Variants in CACNA1H observed in about 807,000 individuals in gnomAD.
CACNA1H encodes the protein calcium voltage-gated channel subunit alpha1 H.
In CACNA1H, 149 loss-of-function variants were observed where a neutral mutation model predicts 192.5. The observed-to-expected ratio is 0.77, with a 90% confidence interval of 0.68 to 0.89. The LOEUF (loss-of-function observed/expected upper bound fraction) is 0.89. Among genes scored for constraint, CACNA1H ranks in the 40% least tolerant of loss-of-function variants. The pLI is 0.00. For missense variants in CACNA1H, 4,257 were observed against 3,423.5 expected, an observed-to-expected ratio of 1.24 and a Z score of -6.08; for synonymous variants, 2,202 against 1,475.2, an observed-to-expected ratio of 1.49 and a Z score of -11.29.
At chr16:1,208,314 A>AC (rs1004515121) in intron 16 of CACNA1H, 93 bp downstream of exon 16, 63 of 834,930 alleles carry the variant, frequency 7.5e-5, no homozygotes, top group Admixed American at 1.2e-4. Context: ...TGAGGGCCGC[A>AC]CCCCCCACAC....
chr16:1,211,665 C>T, intron 23 of CACNA1H, 51 bp from the exon 24 acceptor site: 6 of 1,610,012 alleles, frequency 3.7e-6, no homozygotes, highest in Non-Finnish European at 5.1e-6. Flanking sequence ...AGCGAGAGGG[C>T]CGGCGACCCC....
At chr16:1,205,414 C>A in intron 11 of CACNA1H, 149 bp downstream of exon 11, 1 of 867,076 alleles carries the variant, frequency 1.2e-6, no homozygotes, top group Non-Finnish European at 1.7e-6. Flanking sequence ...GCTTGGTGAC[C>A]CCAGTGGCCC....
At chr16:1,185,550 G>C (rs963789573) in intron 2 of CACNA1H, among the ~76,000 whole-genome samples, 1 of 118,574 alleles carries the variant, frequency 8.4e-6, no homozygotes, top group Non-Finnish European at 1.8e-5. Flanking sequence ...GAGATGCTCA[G>C]AAAGCCTAGT....
At chr16:1,154,538 G>C (rs1159268660) in intron 2 of CACNA1H, among the ~76,000 whole-genome samples, 1 of 152,146 alleles carries the variant, frequency 6.6e-6, no homozygotes, top group East Asian at 1.9e-4. Flanking sequence ...GACCCGTGGG[G>C]CCTGTGAGCG....
intron 5 of CACNA1H, among the ~76,000 whole-genome samples, chr16:1,196,879 G>A (rs544354192): frequency 4.6e-5 from 7 of 152,122 alleles, no homozygotes; most frequent in Non-Finnish European, 7.4e-5. Context: ...CCTGGGGGTC[G>A]GCGCGGCCCC....
chr16:1,196,973 G>A (rs1967059139), intron 5 of CACNA1H, among the ~76,000 whole-genome samples: 1 of 152,110 alleles, frequency 6.6e-6, no homozygotes, highest in Non-Finnish European at 1.5e-5. Flanking sequence ...CAGCCTTTCT[G>A]GCTGCCTGAC....
In CACNA1H at chr16:1,211,605, A is replaced by G; in HGVS notation, c.4475A>G (p.Gln1492Arg). 1 of 1,609,646 alleles carries G rather than the reference A, an allele frequency of 6.2e-7. No individual in the cohort carries two copies. The highest frequency in any genetic ancestry group is 8.5e-7 in the Non-Finnish European group (1 of 1,178,236). ...RRKYNFDNLG[Q>R]ALMSLFVLSS... ...AAGTACAACTTCGACAACCTGGGCCAGGTGGGCTGGGCGGCCGGGCGGGAG... is the reference window on the plus strand; with the variant it reads ...AAGTACAACTTCGACAACCTGGGCCGGGTGGGCTGGGCGGCCGGGCGGGAG... The change falls in exon 23 of 35, where the codon CAG (glutamine) becomes CGG (arginine). Residue 1492 changes from glutamine to arginine, a missense_variant and splice_region_variant. Coordinates refer to ENST00000348261, the MANE Select transcript of CACNA1H (RefSeq NM_021098.3).
chr16:1,200,346 C>G lies in CACNA1H; in HGVS notation c.894C>G (p.Gly298=). 1 of 1,602,358 alleles carries G rather than the reference C, an allele frequency of 6.2e-7. No individual in the cohort carries two copies. Among genetic ancestry groups the G allele is most frequent in the South Asian group, 1.1e-5 (1 of 89,770 alleles). ...TCTGCTCCTCACGCCGAGACAACGGCATGCAGAAGTGCTCGCACATCCCCG... is the reference window on the plus strand; with the variant it reads ...TCTGCTCCTCACGCCGAGACAACGGGATGCAGAAGTGCTCGCACATCCCCG... ...PFICSSRRDN[G]MQKCSHIPGR... Residue 298 remains glycine, a synonymous_variant, in exon 7 of 35, where the codon GGC becomes GGG. Coordinates refer to ENST00000348261, the MANE Select transcript of CACNA1H (RefSeq NM_021098.3).
At chr16:1,163,136 A>T (rs1240791555) in intron 2 of CACNA1H, among the ~76,000 whole-genome samples, 2 of 152,190 alleles carry the variant, frequency 1.3e-5, no homozygotes, top group Non-Finnish European at 1.5e-5. Flanking sequence ...GGTGTGGGCC[A>T]GTCTGCCCTG....
intron 2 of CACNA1H, among the ~76,000 whole-genome samples, chr16:1,171,549 G>T (rs1482904546): frequency 6.6e-6 from 1 of 152,224 alleles, no homozygotes; most frequent in East Asian, 1.9e-4. Context: ...TTATTTTCCA[G>T]GCATTAAACT....
chr16:1,216,482 G>A (rs1596472547), intron 30 of CACNA1H, among the ~76,000 whole-genome samples: 1 of 152,330 alleles, frequency 6.6e-6, no homozygotes, highest in East Asian at 1.9e-4. Context: ...TGAGGCCCAG[G>A]CCCACCTGCC....
chr16:1,220,816 C>T lies in CACNA1H; in HGVS notation c.6884C>T (p.Ser2295Phe), dbSNP rs772718469. ...AGTGTGACCCCAGAATCCAGAGCTT[C>T]CTCTTCAGGGGCCATAGTGCCCCTG... ...SHSVTPESRA[S>F]SSGAIVPLEP... is the part of the protein sequence containing the mutation. The change falls in exon 35 of 35, where the codon TCC becomes TTC. Residue 2295 changes from serine to phenylalanine, a missense_variant. By Grantham distance (155) the Ser-to-Phe change is radical. Coordinates refer to ENST00000348261, the MANE Select transcript of CACNA1H (RefSeq NM_021098.3). 26 of 1,612,826 alleles carry T rather than the reference C, an allele frequency of 1.6e-5. No individual in the cohort carries two copies. The highest frequency in any genetic ancestry group is 3.3e-5 in the Admixed American group (2 of 60,024).
At position 1,221,595 on chromosome 16, in the gene CACNA1H, C is replaced by A. The variant is rs751467928; in HGVS notation, c.*601C>A. 9 of 626,380 alleles carry A rather than the reference C, an allele frequency of 1.4e-5. No homozygotes were observed. The highest frequency in any genetic ancestry group is 2.1e-5 in the Non-Finnish European group (8 of 373,052). 38.8% of individuals were successfully genotyped at this position (626,380 alleles called of 1,614,324 possible). ...TGGAGTAACGCGCCCGGCCCCGATGCGAATCAGGCCTCCCCTACATCTGGG... is the reference window on the plus strand; with the variant it reads ...TGGAGTAACGCGCCCGGCCCCGATGAGAATCAGGCCTCCCCTACATCTGGG... On this transcript the variant is annotated 3_prime_UTR_variant, in exon 35 of 35. Transcript: ENST00000348261.
At position 1,218,266 on chromosome 16, in the gene CACNA1H, C is replaced by T. The variant is rs762347330; in HGVS notation, c.5502C>T (p.Ala1834=). The T allele has an allele frequency of 7.7e-6, 12 of 1,551,620 alleles. No homozygotes were observed. The Admixed American group carries it at 7.8e-5, about 10-fold the overall frequency. ...AGCACTGCCTGAGCTACCTGCCGGCCCTGTCGCCCGTCTACTTCGTGACCT... is the reference window on the plus strand; with the variant it reads ...AGCACTGCCTGAGCTACCTGCCGGCTCTGTCGCCCGTCTACTTCGTGACCT... ...EDKHCLSYLP[A]LSPVYFVTFV... is the part of the protein sequence containing the mutation. The change falls in exon 33 of 35, where the codon GCC becomes GCT. Residue 1834 remains alanine (A), a synonymous_variant. Coordinates refer to ENST00000348261, the MANE Select transcript of CACNA1H (RefSeq NM_021098.3).
chr16:1,203,324 G>A (rs184731089), intron 9 of CACNA1H, among the ~76,000 whole-genome samples: 10 of 152,172 alleles, frequency 6.6e-5, no homozygotes, highest in Non-Finnish European at 8.8e-5. Context: ...TGGTTTGCTC[G>A]CATCGAGTCA....
intron 2 of CACNA1H, among the ~76,000 whole-genome samples, chr16:1,175,158 G>C: frequency 6.6e-6 from 1 of 151,902 alleles, no homozygotes; most frequent in Non-Finnish European, 1.5e-5. Context: ...CCTACTGTGC[G>C]CGCGGGCCAA....
chr16:1,155,192 C>T (rs796350146), intron 2 of CACNA1H, among the ~76,000 whole-genome samples: 4 of 152,240 alleles, frequency 2.6e-5, no homozygotes, highest in Admixed American at 1.3e-4. Flanking sequence ...GAGTCAGACT[C>T]ATCTCTGCTT....
intron 2 of CACNA1H, among the ~76,000 whole-genome samples, chr16:1,177,934 A>G (rs1305473483): frequency 1.3e-5 from 2 of 151,816 alleles, no homozygotes; most frequent in Admixed American, 1.3e-4. Flanking sequence ...CGTCCCCAGC[A>G]GGTGCCCGGG....
chr16:1,195,214 C>CGA, intron 3 of CACNA1H, 131 bp downstream of exon 3: 1 of 525,484 alleles, frequency 1.9e-6, no homozygotes, highest in Admixed American at 3.7e-5. Context: ...GGGATCAGGG[C>CGA]GAGGTTCACG....
Sources: gnomAD v4.1 joint callset for allele counts (sites outside exome capture counted in the v4.1 genomes callset) on GRCh38, gnomAD v4.1.1 for gene constraint, MANE v1.5 for transcripts, NCBI Gene and HGNC (gene_info 2026-07-23, HGNC 2026-07-21) for gene names.